Variants in CACNA2D4 observed in about 807,000 individuals in gnomAD.
CACNA2D4 encodes calcium voltage-gated channel auxiliary subunit alpha2delta 4.
In CACNA2D4, 157 loss-of-function variants were observed where a neutral mutation model predicts 163.8. That is an observed-to-expected ratio of 0.96 (90% confidence interval 0.84 to 1.09). CACNA2D4 has a LOEUF of 1.09. Among genes scored for constraint, CACNA2D4 ranks in the 50% least tolerant of loss-of-function variants. CACNA2D4 has a pLI of 0.00. For synonymous variants in CACNA2D4, 598 were observed against 586.9 expected (o/e 1.02, Z -0.27); for missense variants, 1,410 against 1,479.9 (o/e 0.95, Z 0.78).
intron 26 of CACNA2D4, chr12:1,823,321 A>G (rs189305004): frequency 6.6e-6 from 1 of 152,416 alleles, no homozygotes; most frequent in East Asian, 1.9e-4. Flanking sequence ...AGACTGATTA[A>G]TTAACCTCCA....
chr12:1,800,841 G>A, intron 31 of CACNA2D4: 1 of 604,568 alleles, frequency 1.7e-6, no homozygotes, highest in South Asian at 2.0e-5. Context: ...CAGTCCCTCT[G>A]AAGCCCCAAA....
chr12:1,913,194 G>T (rs1296686192), intron 2 of CACNA2D4, 55 bp from the exon 3 acceptor site: 27 of 1,253,224 alleles, frequency 2.2e-5, no homozygotes, highest in Non-Finnish European at 2.8e-5. Flanking sequence ...CAGGATAGTT[G>T]CACCTGTGTA....
At chr12:1,903,796 T>C (rs567481663) in intron 6 of CACNA2D4, among the ~76,000 whole-genome samples, 1 of 152,162 alleles carries the variant, frequency 6.6e-6, no homozygotes, top group South Asian at 2.1e-4. Flanking sequence ...ACAACAACTA[T>C]GGAGAACAGT....
At chr12:1,896,960 C>T (rs889112147) in intron 6 of CACNA2D4, among the ~76,000 whole-genome samples, 2 of 151,984 alleles carry the variant, frequency 1.3e-5, no homozygotes, top group Non-Finnish European at 2.9e-5. Flanking sequence ...AATATTTGGC[C>T]ACCAAAAAAA....
At chr12:1,899,786 T>C (rs1866495040) in intron 6 of CACNA2D4, among the ~76,000 whole-genome samples, 1 of 152,126 alleles carries the variant, frequency 6.6e-6, no homozygotes, top group Non-Finnish European at 1.5e-5. Context: ...ATGAAGCTAG[T>C]ATAATTTTGA....
At position 1,885,646 on chromosome 12, in the gene CACNA2D4, C is replaced by T. The variant is rs372817637; in HGVS notation, c.1068+319G>A. ...CTTTCGGGGAAGCTTCTCATGAAAACTGACATAATGGAAAGGTCCAGGTGG... is the reference window on the plus strand; with the variant it reads ...CTTTCGGGGAAGCTTCTCATGAAAATTGACATAATGGAAAGGTCCAGGTGG... On this transcript the variant is annotated intron_variant, in intron 9 of 37. Coordinates refer to ENST00000382722, the MANE Select transcript of CACNA2D4 (RefSeq NM_172364.5). Among the ~76,000 whole-genome samples, 13 of 152,298 alleles carry T rather than the reference C, an allele frequency of 8.5e-5. 1 individual carries two copies. The highest frequency in any genetic ancestry group is 3.3e-4 in the Admixed American group (5 of 15,296).
At chr12:1,797,994 C>T (rs1209741581) in intron 34 of CACNA2D4, among the ~76,000 whole-genome samples, 4 of 152,152 alleles carry the variant, frequency 2.6e-5, no homozygotes, top group South Asian at 2.1e-4. Flanking sequence ...GCCCTGCTCT[C>T]CCGCACAGCC....
chr12:1,816,614 C>T (rs1171682625), intron 26 of CACNA2D4, among the ~76,000 whole-genome samples: 1 of 152,220 alleles, frequency 6.6e-6, no homozygotes, highest in Non-Finnish European at 1.5e-5. Context: ...TGGCAGACAA[C>T]CTAACAAAGA....
chr12:1,851,691 T>C (rs1265913968), intron 23 of CACNA2D4, among the ~76,000 whole-genome samples: 56 of 115,350 alleles, frequency 4.9e-4, no homozygotes, highest in Non-Finnish European at 9.0e-4. Flanking sequence ...TTTTTTTTTT[T>C]TTTTCCAGAG....
intron 23 of CACNA2D4, among the ~76,000 whole-genome samples, chr12:1,850,080 T>C (rs1865240208): frequency 6.6e-6 from 1 of 152,186 alleles, no homozygotes; most frequent in South Asian, 2.1e-4. Flanking sequence ...ATCTTTGGGA[T>C]AAGGTTCCTA....
At chr12:1,910,464 G>A (rs945934739) in intron 3 of CACNA2D4, among the ~76,000 whole-genome samples, 1 of 1,566 alleles carries the variant, frequency 6.4e-4, no homozygotes, top group Non-Finnish European at 1.1e-3. Flanking sequence ...TGTTGATAGC[G>A]GGGAAGGCTG....
chr12:1,892,658 G>T (rs972522268), intron 6 of CACNA2D4, among the ~76,000 whole-genome samples: 24 of 152,156 alleles, frequency 1.6e-4, no homozygotes, highest in African/African-American at 5.8e-4. Flanking sequence ...AACCTTGAAT[G>T]TAAACAGATT....
rs1863194047 is a variant in CACNA2D4, at chr12:1,798,196, C to T, written c.2996-661G>A. On this transcript the variant is annotated intron_variant, in intron 34 of 37. Coordinates refer to ENST00000382722, the MANE Select transcript of CACNA2D4 (RefSeq NM_172364.5). The surrounding 1 kb of genome is among the most constrained non-coding windows in gnomAD (Gnocchi z 4.3). ...CAACCAAAGGTGGAGGCGAGTGCCT[C>T]AGCCCCGCTCTGCAGGACCCGAGTC... Among the ~76,000 whole-genome samples the T allele has an allele frequency of 6.6e-6, 1 of 152,200 alleles. No homozygotes were observed. The highest frequency in any genetic ancestry group is 1.5e-5 in the Non-Finnish European group (1 of 68,016).
intron 6 of CACNA2D4, among the ~76,000 whole-genome samples, chr12:1,905,791 C>G (rs1866646694): frequency 6.6e-6 from 1 of 152,090 alleles, no homozygotes; most frequent in African/African-American, 2.4e-5. Context: ...TCTACTGATT[C>G]ATTGCAATCC....
In CACNA2D4 at chr12:1,807,822, T is replaced by G. The variant is rs147297642; in HGVS notation, c.2721+2456A>C. 7.1e-3 allele frequency among the ~76,000 whole-genome samples: 1,082 copies of G among 152,012 alleles called. 15 individuals are homozygous for G. The highest frequency in any genetic ancestry group is 0.025 in the African/African-American group (1,034 of 41,454). ...CCTGATCACAGTGGGGGAGCAAGGG[T>G]GAGCCAAGCACGGCGGGAGCGGGGG... On this transcript the variant is annotated intron_variant, in intron 29 of 37. Coordinates refer to ENST00000382722, the MANE Select transcript of CACNA2D4 (RefSeq NM_172364.5).
chr12:1,796,662 G>A lies in CACNA2D4; in HGVS notation c.3113+756C>T, dbSNP rs535831737. On this transcript the variant is annotated intron_variant, in intron 35 of 37. Coordinates refer to ENST00000382722, the MANE Select transcript of CACNA2D4 (RefSeq NM_172364.5). ...AGCACGACGCGCAGGGAGTGGGGGA[G>A]AAGGGAGCCCCGATGCCAGCGCCGC... Among the ~76,000 whole-genome samples, 299 of 152,334 alleles carry A rather than the reference G, an allele frequency of 2.0e-3. 2 individuals carry two copies. The highest frequency in any genetic ancestry group is 3.4e-3 in the Non-Finnish European group (228 of 68,024).
At chr12:1,818,027 C>T (rs1271657758) in intron 26 of CACNA2D4, among the ~76,000 whole-genome samples, 1 of 151,342 alleles carries the variant, frequency 6.6e-6, no homozygotes, top group South Asian at 2.1e-4. Flanking sequence ...GCCATCCCAT[C>T]TAGGAAGTGA....
intron 4 of CACNA2D4, 102 bp downstream of exon 4, chr12:1,909,804 C>T (rs1866768792): frequency 1.1e-6 from 1 of 887,472 alleles, no homozygotes; most frequent in South Asian, 1.5e-5. Flanking sequence ...TCTATGGAAT[C>T]AGTGGATCGC....
At chr12:1,884,677 T>G (rs1358499737) in intron 11 of CACNA2D4, 91 bp downstream of exon 11, 1 of 807,130 alleles carries the variant, frequency 1.2e-6, no homozygotes, top group Non-Finnish European at 2.1e-6. Flanking sequence ...CAGATTTGAA[T>G]GGGGGCCATC....
Sources: allele counts gnomAD v4.1 joint callset (sites outside exome capture counted in the v4.1 genomes callset), GRCh38; gene constraint gnomAD v4.1.1; non-coding constraint Gnocchi (gnomAD v3.1); transcripts MANE v1.5; gene names NCBI Gene and HGNC (gene_info 2026-07-23, HGNC 2026-07-21).